Variants in MYOM2 observed in about 807,000 individuals in gnomAD.
MYOM2 encodes myomesin-2.
MYOM2 carries 254 observed loss-of-function variants against 187.6 expected under a neutral mutation model. That is an observed-to-expected ratio of 1.35 (90% confidence interval 1.22 to 1.50). The LOEUF is 1.50. Ranked by LOEUF, MYOM2 falls within the 40% of genes most tolerant of loss-of-function variation. The probability of loss-of-function intolerance (pLI) is 0.00; values close to 1 mark genes in which losing one functional copy is unlikely to be tolerated. For missense variants in MYOM2, 2,796 were observed against 1,924.0 expected (o/e 1.45, Z -8.48); for synonymous variants, 981 against 753.8 (o/e 1.30, Z -4.94).
At chr8:2,046,991 C>A (rs1226987563) in intron 1 of MYOM2, among the ~76,000 whole-genome samples, 1 of 152,118 alleles carries the variant, frequency 6.6e-6, no homozygotes, top group African/African-American at 2.4e-5. Context: ...GTATGACTCT[C>A]AAAGGAAATG....
Position 2,098,887 on chromosome 8 carries a change from G to A in MYOM2, c.2344G>A (p.Glu782Lys), listed in dbSNP as rs765777596. ...VDGLTEGSLY[E>K]FKIAAVNLAG... The stretch of plus-strand genomic sequence containing the variant: ...CGGCTTGACGGAAGGCTCACTCTAC[G>A]AGTTCAAAATCGCCGCCGTCAACCT... The change falls in exon 19 of 37, where the codon GAG becomes AAG. Residue 782 changes from glutamate (E) to lysine (K), a missense_variant. Physicochemically the swap from Glu to Lys is moderately conservative, Grantham distance 56. Transcript: ENST00000262113. The A allele has an allele frequency of 3.0e-5, 48 of 1,613,334 alleles. No homozygotes were observed. Among genetic ancestry groups the A allele is most frequent in the Non-Finnish European group, 3.6e-5 (43 of 1,179,688 alleles).
chr8:2,116,943 TAGAG>T (rs1797266866), intron 27 of MYOM2, among the ~76,000 whole-genome samples: 1 of 64,270 alleles, frequency 1.6e-5, no homozygotes, highest in Non-Finnish European at 3.2e-5. Flanking sequence ...GTATTTTTAG[TAGAG>T]ACGGACGGGG....
chr8:2,073,305 T>C (rs2129334856), intron 9 of MYOM2, 34 bp from the exon 10 acceptor site: 2 of 1,580,774 alleles, frequency 1.3e-6, no homozygotes, highest in East Asian at 2.3e-5. Context: ...GGGGTGATTT[T>C]GGATGCAAAC....
chr8:2,099,376 C>T (rs1308971790), intron 19 of MYOM2, among the ~76,000 whole-genome samples: 1 of 152,024 alleles, frequency 6.6e-6, no homozygotes, highest in African/African-American at 2.4e-5. Flanking sequence ...AGGTGCGAGC[C>T]CCGGCCCCAG....
At chr8:2,133,840 TATTC>T (rs1585969044) in intron 32 of MYOM2, among the ~76,000 whole-genome samples, 2 of 152,188 alleles carry the variant, frequency 1.3e-5, no homozygotes, top group South Asian at 4.1e-4. Flanking sequence ...TTGTATATAA[TATTC>T]AGTTACAAAT....
chr8:2,106,543 G>A lies in MYOM2; in HGVS notation c.2944G>A (p.Val982Met), dbSNP rs143709896. Residue 982 changes from valine to methionine, a missense_variant, in exon 23 of 37, where the codon GTG becomes ATG. Val to Met is a conservative substitution (Grantham distance 21). Coordinates refer to ENST00000262113, the MANE Select transcript of MYOM2 (RefSeq NM_003970.4). ...PDKEDLGTYS[V>M]SVSDTDGVSS... The stretch of plus-strand genomic sequence containing the variant: ...TAAGGAGGATTTAGGGACTTACTCC[G>A]TGTCTGTAAGTGATACAGACGGAGT... The A allele has an allele frequency of 1.2e-4, 190 of 1,612,034 alleles. 4 individuals are homozygous for A. The Middle Eastern group carries it at 1.3e-3, about 11-fold the overall frequency.
At chr8:2,136,482 G>A (rs1241990402) in intron 32 of MYOM2, among the ~76,000 whole-genome samples, 2 of 152,178 alleles carry the variant, frequency 1.3e-5, no homozygotes, top group African/African-American at 4.8e-5. Context: ...CTGAGATTTG[G>A]GTTCAAGTGT....
At chr8:2,050,317 T>G (rs1419340871) in intron 1 of MYOM2, among the ~76,000 whole-genome samples, 1 of 152,220 alleles carries the variant, frequency 6.6e-6, no homozygotes, top group African/African-American at 2.4e-5. Context: ...CCTGGCCTCC[T>G]GCCATTCCCA....
At chr8:2,115,627 A>T (rs1797214239) in intron 25 of MYOM2, among the ~76,000 whole-genome samples, 1 of 152,196 alleles carries the variant, frequency 6.6e-6, no homozygotes, top group Admixed American at 6.5e-5. Context: ...GTTATCATTC[A>T]TATCAATTGC....
chr8:2,069,298 C>G lies in MYOM2; in HGVS notation c.674C>G (p.Ala225Gly), dbSNP rs376408103. 1.7e-5 allele frequency: 27 copies of G among 1,612,938 alleles called. No individual in the cohort carries two copies. Among genetic ancestry groups the G allele is most frequent in the East Asian group, 2.2e-5 (1 of 44,854 alleles). ...EINRADFDDTATYSAVATNAH... is the reference protein window; with the variant it reads ...EINRADFDDTGTYSAVATNAH... The stretch of plus-strand genomic sequence containing the variant: ...CCAAGGGCAGACTTTGACGACACTG[C>G]GACATACTCAGCAGTGGCCACCAAT... Residue 225 changes from alanine to glycine, a missense_variant, in exon 7 of 37, where the codon GCG (alanine) becomes GGG (glycine). By Grantham distance (60) the Ala-to-Gly change is moderately conservative. Transcript: ENST00000262113.
At chr8:2,074,883 C>A (rs118096200) in intron 10 of MYOM2, among the ~76,000 whole-genome samples, 3,125 of 152,338 alleles carry the variant, frequency 0.021, 45 homozygotes, top group South Asian at 0.037. Flanking sequence ...AAGAAGGCGT[C>A]AGAGCGCTCC....
At chr8:2,135,593 A>C (rs1396193519) in intron 32 of MYOM2, among the ~76,000 whole-genome samples, 1 of 152,094 alleles carries the variant, frequency 6.6e-6, no homozygotes, top group Non-Finnish European at 1.5e-5. Flanking sequence ...AGCACGAAGG[A>C]GCAGAAACGT....
chr8:2,137,743 A>G (rs1484255587), intron 32 of MYOM2, among the ~76,000 whole-genome samples: 1 of 152,164 alleles, frequency 6.6e-6, no homozygotes, highest in African/African-American at 2.4e-5. Context: ...TTTAGTCAAT[A>G]AACGATTACA....
chr8:2,073,110 C>T (rs767088831), intron 9 of MYOM2, among the ~76,000 whole-genome samples: 1 of 152,212 alleles, frequency 6.6e-6, no homozygotes, highest in Non-Finnish European at 1.5e-5. Flanking sequence ...GCACGTCCCA[C>T]TTTGACCCAC....
At chr8:2,128,216 A>T (rs2116877190) in intron 31 of MYOM2, among the ~76,000 whole-genome samples, 1 of 152,368 alleles carries the variant, frequency 6.6e-6, no homozygotes, top group East Asian at 1.9e-4. Context: ...TTCAGGATTT[A>T]GGAATATGTT....
chr8:2,083,383 C>T (rs116667338), intron 13 of MYOM2, among the ~76,000 whole-genome samples: 2 of 152,208 alleles, frequency 1.3e-5, no homozygotes, highest in African/African-American at 2.4e-5. Flanking sequence ...ATGTGCTTAG[C>T]GGCATCTCAC....
chr8:2,063,197 T>C (rs34247564), intron 6 of MYOM2, among the ~76,000 whole-genome samples: 12,449 of 152,326 alleles, frequency 0.082, 668 homozygotes, highest in Middle Eastern at 0.14. Context: ...AATTACAGCT[T>C]GTCTCAGCTG....
At chr8:2,139,701 G>A (rs1410163658) in intron 32 of MYOM2, among the ~76,000 whole-genome samples, 2 of 152,118 alleles carry the variant, frequency 1.3e-5, no homozygotes, top group African/African-American at 4.8e-5. Flanking sequence ...CAGCTCTTGG[G>A]TGGCCCTGGA....
intron 9 of MYOM2, 145 bp downstream of exon 9, chr8:2,072,654 C>A (rs1819273122): frequency 1.9e-6 from 2 of 1,057,108 alleles, no homozygotes; most frequent in African/African-American, 1.6e-5. Flanking sequence ...CTGTAGAGGA[C>A]TTGGTGGCCC....
Sources: gnomAD v4.1 joint callset for allele counts (sites outside exome capture counted in the v4.1 genomes callset) on GRCh38, gnomAD v4.1.1 for gene constraint, MANE v1.5 for transcripts, NCBI Gene and HGNC (gene_info 2026-07-23, HGNC 2026-07-21) for gene names.